The following SCMH1 variants were observed in gnomAD, a reference collection of about 807,000 sequenced individuals.
The protein encoded by SCMH1 is Scm polycomb group protein homolog 1, also known as polycomb protein SCMH1.
A neutral mutation model predicts 70.8 loss-of-function variants in SCMH1; 37 were observed. That is an observed-to-expected ratio of 0.52 (90% CI 0.40 to 0.69). The LOEUF (loss-of-function observed/expected upper bound fraction) is 0.69, where lower values mean the gene tolerates loss of function less well. SCMH1 is among the 30% of genes least tolerant of loss of function. The probability of loss-of-function intolerance (pLI) is 0.00; values close to 1 mark genes in which losing one functional copy is unlikely to be tolerated. For synonymous variants in SCMH1, 292 were observed against 307.4 expected (o/e 0.95, Z 0.52); for missense variants, 607 against 827.3 (o/e 0.73, Z 3.27).
At chr1:41,064,436 A>T (rs1221913340) in intron 10 of SCMH1, among the ~76,000 whole-genome samples, 1 of 152,186 alleles carries the variant, frequency 6.6e-6, no homozygotes, top group African/African-American at 2.4e-5. Context: ...GCAGTTTGGG[A>T]AGGACGAAAT....
intron 12 of SCMH1, chr1:41,043,045 G>A (rs577273458): frequency 3.9e-5 from 6 of 152,138 alleles, no homozygotes; most frequent in Non-Finnish European, 7.4e-5. Flanking sequence ...GTGACAACTA[G>A]GGGAAATTCT....
At chr1:41,193,579 C>T (rs1011462850) in intron 1 of SCMH1, among the ~76,000 whole-genome samples, 2 of 151,840 alleles carry the variant, frequency 1.3e-5, no homozygotes, top group Non-Finnish European at 2.9e-5. Flanking sequence ...TAGGATTATC[C>T]GAAGAAAGAC....
chr1:41,216,354 T>C (rs1001304416), intron 1 of SCMH1, among the ~76,000 whole-genome samples: 3 of 152,172 alleles, frequency 2.0e-5, no homozygotes, highest in African/African-American at 7.2e-5. Flanking sequence ...AAAACAGCTA[T>C]CTGTTAAAAG....
At chr1:41,141,186 C>T (rs1156937509) in intron 6 of SCMH1, among the ~76,000 whole-genome samples, 1 of 152,166 alleles carries the variant, frequency 6.6e-6, no homozygotes, top group Non-Finnish European at 1.5e-5. Context: ...TTAGATTTTT[C>T]CATTTTGTAA....
In SCMH1 at chr1:41,151,649, A is replaced by T. The variant is rs182666831; in HGVS notation, c.142T>A (p.Cys48Ser). 8.8e-5 allele frequency: 142 copies of T among 1,613,000 alleles called. No individual in the cohort carries two copies. In the East Asian group the frequency reaches 3.0e-3, roughly 34 times the overall value. Residue 48 changes from cysteine to serine, a missense_variant, in exon 5 of 15, where the codon TGT becomes AGT. By Grantham distance (112) the Cys-to-Ser change is moderately radical. Coordinates refer to ENST00000337495, the Ensembl canonical transcript of SCMH1. The stretch of plus-strand genomic sequence containing the variant: ...CAATGGACAGGCGCTGGGACTGAAC[A>T]TGTTTCTTTTAGGTATTTGTCCCAG...
chr1:41,036,721 A>C (rs902447149), intron 13 of SCMH1, among the ~76,000 whole-genome samples: 5 of 152,160 alleles, frequency 3.3e-5, no homozygotes, highest in African/African-American at 1.2e-4. Flanking sequence ...TCTCAGTATT[A>C]CATTTTATGG....
intron 1 of SCMH1, among the ~76,000 whole-genome samples, chr1:41,219,596 T>C (rs1480547347): frequency 6.6e-6 from 1 of 152,192 alleles, no homozygotes; most frequent in Non-Finnish European, 1.5e-5. Flanking sequence ...AGTCCTATGG[T>C]AGCTCAGTAT....
chr1:41,095,813 C>A (rs992218444), intron 8 of SCMH1, among the ~76,000 whole-genome samples: 1 of 152,044 alleles, frequency 6.6e-6, no homozygotes, highest in African/African-American at 2.4e-5. Context: ...GTAAGTTTAT[C>A]ATATCATTAT....
At chr1:41,117,575 G>A (rs560169428) in intron 6 of SCMH1, among the ~76,000 whole-genome samples, 28 of 152,130 alleles carry the variant, frequency 1.8e-4, no homozygotes, top group Non-Finnish European at 2.1e-4. Context: ...AGTCAGGCCC[G>A]CCTGCAGTTA....
At chr1:41,058,378 G>GTTTTTTTTTTTTTTTTTTTT (rs548733204) in intron 10 of SCMH1, among the ~76,000 whole-genome samples, 3 of 81,638 alleles carry the variant, frequency 3.7e-5, no homozygotes, top group Non-Finnish European at 6.3e-5. Context: ...TTTCTTTCTT[G>GTTTTTTTTTTTTTTTTTTTT]TTTTTTTTTT....
intron 1 of SCMH1, among the ~76,000 whole-genome samples, chr1:41,216,650 TAGCAA>T (rs1658150650): frequency 6.6e-6 from 1 of 152,162 alleles, no homozygotes; most frequent in Admixed American, 6.6e-5. Context: ...GCTGTTAACA[TAGCAA>T]AAGTAAACTT....
At chr1:41,049,877 A>G (rs1156583481) in intron 10 of SCMH1, among the ~76,000 whole-genome samples, 1 of 151,836 alleles carries the variant, frequency 6.6e-6, no homozygotes, top group African/African-American at 2.4e-5. Context: ...CAGCCTGGGC[A>G]ATACAGTGAG....
At chr1:41,094,733 A>G (rs200663301) in intron 8 of SCMH1, among the ~76,000 whole-genome samples, 80 of 152,200 alleles carry the variant, frequency 5.3e-4, no homozygotes, top group East Asian at 4.1e-3. Context: ...TACTAAAAAT[A>G]CAAAAATTAG....
At chr1:41,148,842 G>A (rs1644817949) in intron 5 of SCMH1, among the ~76,000 whole-genome samples, 1 of 152,146 alleles carries the variant, frequency 6.6e-6, no homozygotes, top group Admixed American at 6.5e-5. Flanking sequence ...CCAGGCTGCA[G>A]TGCAGTGGCA....
chr1:41,210,968 C>T (rs937981837), intron 1 of SCMH1, among the ~76,000 whole-genome samples: 2 of 152,100 alleles, frequency 1.3e-5, no homozygotes, highest in African/African-American at 2.4e-5. Flanking sequence ...CACCACCATG[C>T]CCAGCTAATG....
intron 6 of SCMH1, among the ~76,000 whole-genome samples, chr1:41,139,487 G>A (rs572327591): frequency 1.3e-5 from 2 of 152,188 alleles, no homozygotes; most frequent in African/African-American, 4.8e-5. Context: ...GGTTTCTGGA[G>A]AATTTTTGGA....
At chr1:41,155,984 C>CAAAAAAAAAAAAAAAAAAA (rs386366781) in intron 4 of SCMH1, among the ~76,000 whole-genome samples, 3 of 74,624 alleles carry the variant, frequency 4.0e-5, no homozygotes, top group African/African-American at 1.8e-4. Context: ...GACTCCGTCT[C>CAAAAAAAAAAAAAAAAAAA]AAAAAAAAAA....
intron 13 of SCMH1, among the ~76,000 whole-genome samples, chr1:41,036,883 T>C (rs1645375782): frequency 6.6e-6 from 1 of 152,176 alleles, no homozygotes; most frequent in African/African-American, 2.4e-5. Context: ...CAAGGCATCA[T>C]TCCCTTAAGA....
At chr1:41,152,636 G>A in intron 4 of SCMH1, 1 of 1,614,196 alleles carries the variant, frequency 6.2e-7, no homozygotes, top group Non-Finnish European at 8.5e-7. Context: ...GAAGGTCCCA[G>A]AGAATCTCAC....
Sources: gnomAD v4.1 joint callset for allele counts (sites outside exome capture counted in the v4.1 genomes callset) on GRCh38, gnomAD v4.1.1 for gene constraint, MANE v1.5 for transcripts, NCBI Gene and HGNC (gene_info 2026-07-23, HGNC 2026-07-21) for gene names.